CGB5: variants seen among roughly 807,000 people sequenced by gnomAD.
The protein encoded by CGB5 is chorionic gonadotropin, beta polypeptide 5.
A neutral mutation model predicts 7.6 loss-of-function variants in CGB5; 2 were observed. The ratio of observed to expected loss-of-function variants is 0.26; its 90% CI spans 0.11 to 0.83. The LOEUF (loss-of-function observed/expected upper bound fraction) is 0.83. Ranked by LOEUF, CGB5 falls within the 40% of genes least tolerant of loss-of-function variation. The probability of loss-of-function intolerance (pLI) is 0.65; values close to 1 mark genes in which losing one functional copy is unlikely to be tolerated. For missense variants in CGB5, 48 were observed against 228.2 expected (o/e 0.21, Z 5.09); for synonymous variants, 25 against 99.8 (o/e 0.25, Z 4.47).
Position 49,045,298 on chromosome 19 carries a change from C to T in CGB5, c.*4C>T, listed in dbSNP as rs562298182. 1.4e-4 allele frequency: 233 copies of T among 1,611,232 alleles called. No homozygotes were observed. In the South Asian group the frequency reaches 2.4e-3, roughly 17 times the overall value. ...CACCCCGATCCTCCCACAATAAAGG[C>T]TTCTCAATCCGCACTCTGGAGGTGT... On this transcript the variant is annotated 3_prime_UTR_variant, in exon 3 of 3. Transcript: ENST00000301408.
chr19:49,045,237 C>T lies in CGB5; in HGVS notation c.441C>T (p.Ser147=). 1.9e-6 allele frequency: 3 copies of T among 1,603,490 alleles called. No homozygotes were observed. The highest frequency in any genetic ancestry group is 2.6e-6 in the Non-Finnish European group (3 of 1,175,592). The change falls in exon 3 of 3, where the codon AGC becomes AGT. Residue 147 remains serine (S), a synonymous_variant. Transcript: ENST00000301408. ...DSSSSKAPPP[S]LPSPSRLPGP... Reference sequence around the variant, plus strand: ...CTTCCTCAAAGGCCCCTCCCCCCAGCCTTCCAAGTCCATCCCGACTCCCGG... The same window carrying T: ...CTTCCTCAAAGGCCCCTCCCCCCAGTCTTCCAAGTCCATCCCGACTCCCGG...
chr19:49,044,986 G>A lies in CGB5; in HGVS notation c.190G>A (p.Val64Met). ...CAGYCPTMTR[V>M]LQGVLPALPQ... ...CCACTCACACGGCTTCCAGACCCGC[G>A]TGCTGCAGGGGGTCCTGCCGGCCCT... The change falls in exon 3 of 3, where the codon GTG (valine) becomes ATG (methionine). Residue 64 changes from valine to methionine, a missense_variant. Around this residue, in one of 3 missense-constraint regions of CGB5, gnomAD observed 34 missense variants for 145.1 expected, o/e 0.23. Coordinates refer to ENST00000301408, the MANE Select transcript of CGB5 (RefSeq NM_033043.2). 2 of 1,563,190 alleles carry A rather than the reference G, an allele frequency of 1.3e-6. No individual in the cohort carries two copies. Among genetic ancestry groups the A allele is most frequent in the Non-Finnish European group, 8.6e-7 (1 of 1,163,710 alleles).
Position 49,044,376 on chromosome 19 carries a change from G to C in CGB5, c.15+152G>C, listed in dbSNP as rs897635111. On this transcript the variant is annotated intron_variant, in intron 1 of 2. Transcript: ENST00000301408. ...TCAGGTGGGGCAGTTCCTAAGGGTG[G>C]GGATCTGAAATTTTGGGGCATCTCA... 69 of 1,600,770 alleles carry C rather than the reference G, an allele frequency of 4.3e-5. 1 individual carries two copies. Among genetic ancestry groups the C allele is most frequent in the Middle Eastern group, 2.2e-4 (1 of 4,466 alleles).
chr19:49,044,315 G>A, intron 1 of CGB5, 91 bp downstream of exon 1: 1 of 1,568,542 alleles, frequency 6.4e-7, no homozygotes, highest in South Asian at 1.2e-5. Flanking sequence ...TGTGGAAGGA[G>A]GCCTCTTTCT....
In CGB5 at chr19:49,044,235, A is replaced by G. The variant is rs556192631; in HGVS notation, c.15+11A>G. The G allele has an allele frequency of 2.0e-5, 33 of 1,613,300 alleles. No homozygotes were observed. In the East Asian group the frequency reaches 6.7e-4, roughly 33 times the overall value. ...ATGGAGATGTTCCAGGTAAGACTGCAGGGCCCCTGGGCACCTTCCACCTCC... is the reference window on the plus strand; with the variant it reads ...ATGGAGATGTTCCAGGTAAGACTGCGGGGCCCCTGGGCACCTTCCACCTCC... On this transcript the variant is annotated intron_variant, in intron 1 of 2. Transcript: ENST00000301408.
intron 2 of CGB5, 87 bp downstream of exon 2, chr19:49,044,831 T>C (rs2039921342): frequency 1.2e-6 from 1 of 819,924 alleles, no homozygotes; most frequent in East Asian, 2.6e-5. Flanking sequence ...TCTGCCTCTC[T>C]GGTCAGGGGC....
Position 49,044,348 on chromosome 19 carries a change from G to C in CGB5, c.15+124G>C, listed in dbSNP as rs1278349006. 21 of 1,604,504 alleles carry C rather than the reference G, an allele frequency of 1.3e-5. 2 individuals carry two copies. The South Asian group carries it at 2.0e-4, about 15-fold the overall frequency. ...TCTGGAGGAGCGTGACCCCCAGTAA[G>C]CTTCAGGTGGGGCAGTTCCTAAGGG... On this transcript the variant is annotated intron_variant, in intron 1 of 2. Transcript: ENST00000301408.
In CGB5 at chr19:49,044,183, G is replaced by A. The variant is rs369920988; in HGVS notation, c.-27G>A. ...CCACAACCCCGAGGTATAAAGCCAG[G>A]TACACGAGGCAGGGGACGCACCAAG... On this transcript the variant is annotated 5_prime_UTR_variant, in exon 1 of 3. Transcript: ENST00000301408. 1,839 of 1,612,538 alleles carry A rather than the reference G, an allele frequency of 1.1e-3. 10 individuals carry two copies. In the African/African-American group the frequency reaches 0.022, roughly 19 times the overall value.
Position 49,045,147 on chromosome 19 carries a change from C to T in CGB5, c.351C>T (p.Thr117=). 6.5e-7 allele frequency: 1 copy of T among 1,543,496 alleles called. No homozygotes were observed. The highest frequency in any genetic ancestry group is 8.8e-7 in the Non-Finnish European group (1 of 1,138,566). Residue 117 remains threonine (T), a synonymous_variant, in exon 3 of 3, where the codon ACC becomes ACT. Transcript: ENST00000301408. The stretch of plus-strand genomic sequence containing the variant: ...AATGTGCACTCTGCCGCCGCAGCAC[C>T]ACTGACTGCGGGGGTCCCAAGGACC... ...SCQCALCRRS[T]TDCGGPKDHP...
chr19:49,044,305 T>C, intron 1 of CGB5, 81 bp downstream of exon 1: 1 of 1,610,794 alleles, frequency 6.2e-7, no homozygotes, highest in Non-Finnish European at 8.5e-7. Context: ...CAGTGTGAGC[T>C]GTGGAAGGAG....
chr19:49,043,989 C>T lies in CGB5; in HGVS notation c.-221C>T. 1.6e-6 allele frequency: 2 copies of T among 1,229,232 alleles called. No homozygotes were observed. Among genetic ancestry groups the T allele is most frequent in the African/African-American group, 1.5e-5 (1 of 65,514 alleles). The allele number at this position is 1,229,232 out of a possible 1,614,324, so 76.1% of individuals were successfully genotyped here. On this transcript the variant is annotated 5_prime_UTR_variant, in exon 1 of 3. Transcript: ENST00000301408. ...GACGACTGAGTCTCTGAGATCACTT[C>T]ACCGTGGTCTCCGCCTCACCCTTGG...
rs577904029 is a variant in CGB5 at position 49,044,373 on chromosome 19, G to A, written c.15+149G>A. ...GCTTCAGGTGGGGCAGTTCCTAAGG[G>A]TGGGGATCTGAAATTTTGGGGCATC... is the stretch of plus-strand genomic sequence containing the variant. On this transcript the variant is annotated intron_variant, in intron 1 of 2. Coordinates refer to ENST00000301408, the MANE Select transcript of CGB5 (RefSeq NM_033043.2). 5,057 of 1,601,440 alleles carry A rather than the reference G, an allele frequency of 3.2e-3. 53 individuals are homozygous for A. The highest frequency in any genetic ancestry group is 4.0e-3 in the Non-Finnish European group (4,643 of 1,175,180).
Position 49,045,302 on chromosome 19 carries a change from T to C in CGB5, c.*8T>C, listed in dbSNP as rs1324845594. 1.2e-6 allele frequency: 2 copies of C among 1,611,250 alleles called. No individual in the cohort carries two copies. The highest frequency in any genetic ancestry group is 1.7e-6 in the Non-Finnish European group (2 of 1,179,672). On this transcript the variant is annotated 3_prime_UTR_variant, in exon 3 of 3. Coordinates refer to ENST00000301408, the MANE Select transcript of CGB5 (RefSeq NM_033043.2). The stretch of plus-strand genomic sequence containing the variant: ...CCGATCCTCCCACAATAAAGGCTTC[T>C]CAATCCGCACTCTGGAGGTGTCTTT...
At chr19:49,044,431 A>G in intron 1 of CGB5, 146 bp from the exon 2 acceptor site, 2 of 1,497,974 alleles carry the variant, frequency 1.3e-6, no homozygotes, top group East Asian at 4.8e-5. Flanking sequence ...TGGGCTCTGA[A>G]AGGCAGGTGT....
Position 49,044,504 on chromosome 19 carries a change from A to C in CGB5, c.16-73A>C, listed in dbSNP as rs546320183. 1.3e-3 allele frequency: 1,784 copies of C among 1,415,338 alleles called. 55 individuals are homozygous for C. The East Asian group carries it at 0.042, about 33-fold the overall frequency. The allele number at this position is 1,415,338 out of a possible 1,614,324, so 87.7% of individuals were successfully genotyped here. ...GTCTCTGGGTCTTTGTGGGTGGTGT[A>C]CCACGCGGGATGGGAAGGCCAGGAC... On this transcript the variant is annotated intron_variant, in intron 1 of 2. Transcript: ENST00000301408.
rs765040760 is a variant in CGB5 at position 49,044,222 on chromosome 19, C to A, written c.13C>A (p.Gln5Lys). The A allele has an allele frequency of 2.5e-6, 4 of 1,613,402 alleles. No homozygotes were observed. In the African/African-American group the frequency reaches 4.0e-5, roughly 16 times the overall value. Residue 5 changes from glutamine to lysine, a missense_variant and splice_region_variant, in exon 1 of 3, where the codon CAG becomes AAG. Physicochemically the swap from Gln to Lys is moderately conservative, Grantham distance 53. This residue lies in a region of CGB5 where 9 missense variants were observed against 16.6 expected (regional missense o/e 0.54). Coordinates refer to ENST00000301408, the MANE Select transcript of CGB5 (RefSeq NM_033043.2). Reference sequence around the variant, plus strand: ...GGACGCACCAAGGATGGAGATGTTCCAGGTAAGACTGCAGGGCCCCTGGGC... The same window carrying A: ...GGACGCACCAAGGATGGAGATGTTCAAGGTAAGACTGCAGGGCCCCTGGGC... MEMF[Q>K]GLLLLLLLSM...
rs780565947 is a variant in CGB5, at chr19:49,044,066, C to G, written c.-144C>G. ...GGGGCGCTCCGCTGAGCCACTCCTG[C>G]GCCCCCCTGGCCTTGTCTACCTCTT... On this transcript the variant is annotated 5_prime_UTR_variant, in exon 1 of 3. Coordinates refer to ENST00000301408, the MANE Select transcript of CGB5 (RefSeq NM_033043.2). The G allele has an allele frequency of 6.1e-6, 7 of 1,155,750 alleles. No homozygotes were observed. In the Middle Eastern group the frequency reaches 1.2e-3, roughly 194 times the overall value. The allele number at this position is 1,155,750 out of a possible 1,614,324, so 71.6% of individuals were successfully genotyped here.
rs2039913105 is a variant in CGB5 at position 49,044,136 on chromosome 19, C to T, written c.-74C>T. On this transcript the variant is annotated 5_prime_UTR_variant, in exon 1 of 3. Coordinates refer to ENST00000301408, the MANE Select transcript of CGB5 (RefSeq NM_033043.2). ...TCGAGCTCACCCCAGCATCCTACAA[C>T]CTCCTGGTGGCCTTGCCGCCCCCAC... 5 of 1,613,794 alleles carry T rather than the reference C, an allele frequency of 3.1e-6. No individual in the cohort carries two copies. The highest frequency in any genetic ancestry group is 4.2e-6 in the Non-Finnish European group (5 of 1,179,812).
chr19:49,044,300 T>C (rs1221249404), intron 1 of CGB5, 76 bp downstream of exon 1: 2 of 1,610,732 alleles, frequency 1.2e-6, no homozygotes, highest in Non-Finnish European at 1.7e-6. Flanking sequence ...CAGACCAGTG[T>C]GAGCTGTGGA....
Sources: gnomAD v4.1 joint callset for allele counts on GRCh38, gnomAD v4.1.1 for gene constraint, gnomAD v4.1.1 regional missense constraint, MANE v1.5 for transcripts, NCBI Gene and HGNC (gene_info 2026-07-23, HGNC 2026-07-21) for gene names.